The following DENND1C variants were observed in gnomAD, a reference collection of about 807,000 sequenced individuals.
DENND1C encodes the protein DENN domain containing 1C, also known as DENN domain-containing protein 1C.
A neutral mutation model predicts 87.9 loss-of-function variants in DENND1C; 64 were observed. That is an observed-to-expected ratio of 0.73 (90% confidence interval 0.60 to 0.90). DENND1C has a LOEUF of 0.90. Among genes scored for constraint, DENND1C ranks in the 40% least tolerant of loss-of-function variants. The pLI is 0.00. For missense variants in DENND1C, 980 were observed against 1,037.0 expected, an observed-to-expected ratio of 0.95 and a Z score of 0.76; for synonymous variants, 384 against 424.4, an observed-to-expected ratio of 0.90 and a Z score of 1.17.
At position 6,476,975 on chromosome 19, in the gene DENND1C, T is replaced by G; in HGVS notation, c.568-8A>C. The G allele has an allele frequency of 6.2e-7, 1 of 1,613,604 alleles. No homozygotes were observed. The highest frequency in any genetic ancestry group is 1.1e-5 in the South Asian group (1 of 91,082). ...CAGCTCCGTTAGGTTCCTCTGAGGA[T>G]CAGAGAGTCGCTCTGGGCGTGGACG... On this transcript the variant is annotated splice_polypyrimidine_tract_variant and splice_region_variant and intron_variant, in intron 9 of 22. Coordinates refer to ENST00000381480, the MANE Select transcript of DENND1C (RefSeq NM_024898.4).
Position 6,471,291 on chromosome 19 carries a change from A to G in DENND1C, c.1264T>C (p.Tyr422His). Reference protein sequence around the residue: ...CGASSGALRSYQLWADNLKKG... With the variant: ...CGASSGALRSHQLWADNLKKG... ...TTTAGATTGTCGGCCCAGAGCTGAT[A>G]GGATCGAAGGGCCCCTGGGGTAAGG... is the stretch of plus-strand genomic sequence containing the variant. The change falls in exon 17 of 23, where the codon TAT becomes CAT. Residue 422 changes from tyrosine (Y) to histidine (H), a missense_variant. Tyr to His is a moderately conservative substitution (Grantham distance 83). Coordinates refer to ENST00000381480, the MANE Select transcript of DENND1C (RefSeq NM_024898.4). 1 of 1,597,714 alleles carries G rather than the reference A, an allele frequency of 6.3e-7. No individual in the cohort carries two copies. The highest frequency in any genetic ancestry group is 8.5e-7 in the Non-Finnish European group (1 of 1,172,118).
At chr19:6,468,500 G>A in intron 21 of DENND1C, 59 bp from the exon 22 acceptor site, 1 of 1,570,276 alleles carries the variant, frequency 6.4e-7, no homozygotes, top group Non-Finnish European at 8.6e-7. Flanking sequence ...TGGTCAGGCT[G>A]CTCTGGAGTT....
Position 6,475,602 on chromosome 19 carries a change from T to C in DENND1C, c.826-17A>G, listed in dbSNP as rs3745571. 0.62 allele frequency: 1,002,469 copies of C among 1,613,568 alleles called. 318,251 individuals are homozygous for C. Among genetic ancestry groups the C allele is most frequent in the Non-Finnish European group, 0.66 (782,518 of 1,179,746 alleles). ...TCGTACTCTCTGCGGAAAAGCGGGG[T>C]CGGCCGCTCAGAGCCCGGGAGTCCT... On this transcript the variant is annotated splice_polypyrimidine_tract_variant and intron_variant, in intron 12 of 22. Transcript: ENST00000381480.
At position 6,472,893 on chromosome 19, in the gene DENND1C, T is replaced by G; in HGVS notation, c.1154A>C (p.Lys385Thr). ...HRRAVHLQLFKQFIEARLEKL... is the reference protein window; with the variant it reads ...HRRAVHLQLFTQFIEARLEKL... ...ACCCTCAGGGCTCTGGCATACCTGT[T>G]TGAACAGCTGCAGGTGCACAGCCCG... Residue 385 changes from lysine to threonine, a missense_variant, in exon 15 of 23, where the codon AAA becomes ACA. Lys to Thr is a moderately conservative substitution (Grantham distance 78, BLOSUM62 -1). Transcript: ENST00000381480. 6.4e-7 allele frequency: 1 copy of G among 1,558,320 alleles called. No individual in the cohort carries two copies. The highest frequency in any genetic ancestry group is 1.2e-5 in the South Asian group (1 of 82,494).
chr19:6,481,602 C>T, intron 1 of DENND1C, 77 bp downstream of exon 1: 2 of 1,600,160 alleles, frequency 1.2e-6, no homozygotes, highest in Non-Finnish European at 1.7e-6. Flanking sequence ...CTGCTCCAGC[C>T]CCAGCTCCCC....
At chr19:6,471,879 G>A (rs975408413) in intron 15 of DENND1C, among the ~76,000 whole-genome samples, 2 of 152,160 alleles carry the variant, frequency 1.3e-5, no homozygotes, top group Non-Finnish European at 2.9e-5. Flanking sequence ...CTGACCTCAG[G>A]TGATCCGTCT....
chr19:6,476,766 A>G (rs997969840), intron 10 of DENND1C, 91 bp downstream of exon 10: 5 of 1,300,598 alleles, frequency 3.8e-6, no homozygotes, highest in Admixed American at 5.0e-5. Context: ...CTCGCGCAGT[A>G]GGGTTAGAGC....
chr19:6,470,153 C>T (rs994058203), intron 18 of DENND1C, 142 bp downstream of exon 18: 28 of 768,472 alleles, frequency 3.6e-5, no homozygotes, highest in Non-Finnish European at 5.6e-5. Flanking sequence ...AATGGTTTAA[C>T]TGCTGGTTCA....
chr19:6,472,242 T>C (rs1270915117), intron 15 of DENND1C, among the ~76,000 whole-genome samples: 2 of 112,490 alleles, frequency 1.8e-5, no homozygotes, highest in Admixed American at 2.8e-4. Flanking sequence ...ACCCATCCCC[T>C]CTGGAGTCCA....
In DENND1C at chr19:6,478,804, T is replaced by C. The variant is rs764758574; in HGVS notation, c.345A>G (p.Gly115=). 3 of 1,613,282 alleles carry C rather than the reference T, an allele frequency of 1.9e-6. No homozygotes were observed. The South Asian group carries it at 3.3e-5, about 18-fold the overall frequency. The change falls in exon 6 of 23, where the codon GGA becomes GGG. Residue 115 remains glycine, a synonymous_variant. Transcript: ENST00000381480. The part of the protein sequence containing the change: ...EVFYKLLNTV[G]DLLAQDQVTE... ...TCACTTGGTCCTGGGCTAGGAGGTC[T>C]CCCACTGTGTTCAATAGCTTGTAAA...
intron 17 of DENND1C, 150 bp from the exon 18 acceptor site, chr19:6,470,516 C>T (rs1341611205): frequency 3.9e-5 from 28 of 722,398 alleles, no homozygotes; most frequent in South Asian, 2.4e-4. Flanking sequence ...CATGACCCTA[C>T]CTGGTGACTT....
intron 18 of DENND1C, 122 bp from the exon 19 acceptor site, chr19:6,469,762 C>A (rs189912015): frequency 1.3e-5 from 13 of 981,992 alleles, no homozygotes; most frequent in Non-Finnish European, 2.0e-5. Context: ...AATACGTTCA[C>A]CACCCCCCAT....
rs1430736812 is a variant in DENND1C at position 6,479,046 on chromosome 19, T to TG, written c.186dup (p.Ser63GlnfsTer86). 2 of 1,613,688 alleles carry TG rather than the reference T, an allele frequency of 1.2e-6. No individual in the cohort carries two copies. The highest frequency in any genetic ancestry group is 1.7e-6 in the Non-Finnish European group (2 of 1,179,836). ...AAGGTGAAATGCTGCACGGCGGGGC[T>TG]GGGGGGCTCCCTGGAGTGGGAAGGG... On this transcript the variant is annotated frameshift_variant, in exon 5 of 23. Coordinates refer to ENST00000381480, the MANE Select transcript of DENND1C (RefSeq NM_024898.4). LOFTEE classifies it high-confidence loss of function.
At chr19:6,478,636 TC>T in intron 6 of DENND1C, 146 bp downstream of exon 6, 1 of 888,284 alleles carries the variant, frequency 1.1e-6, no homozygotes, top group Non-Finnish European at 1.7e-6. Flanking sequence ...CAAGGGATCC[TC>T]CCACCTCGGC....
In DENND1C at chr19:6,471,497, CTG is replaced by C. The variant is rs1488538749; in HGVS notation, c.1159-3_1159-2del. 2 of 1,554,118 alleles carry C rather than the reference CTG, an allele frequency of 1.3e-6. No homozygotes were observed. The highest frequency in any genetic ancestry group is 4.8e-5 in the East Asian group (2 of 41,594). On this transcript the variant is annotated splice_acceptor_variant and splice_polypyrimidine_tract_variant and intron_variant, in intron 15 of 22. Coordinates refer to ENST00000381480, the MANE Select transcript of DENND1C (RefSeq NM_024898.4). LOFTEE classifies it high-confidence loss of function. ...GCTTCTCCAGCCGGGCTTCGATGAACTGGGGTGGGGGACAGTAAATCAGAAAC... is the reference window on the plus strand; with the variant it reads ...GCTTCTCCAGCCGGGCTTCGATGAACGGGTGGGGGACAGTAAATCAGAAAC...
intron 4 of DENND1C, among the ~76,000 whole-genome samples, chr19:6,479,440 G>A (rs527436936): frequency 8.5e-4 from 129 of 151,158 alleles, no homozygotes; most frequent in Non-Finnish European, 1.4e-3. Context: ...GGGTCCCTGG[G>A]TCCCTGGGTT....
Position 6,471,433 on chromosome 19 carries a change from C to G in DENND1C, c.1222G>C (p.Glu408Gln). 6 of 1,587,650 alleles carry G rather than the reference C, an allele frequency of 3.8e-6. No homozygotes were observed. Among genetic ancestry groups the G allele is most frequent in the Non-Finnish European group, 4.3e-6 (5 of 1,167,008 alleles). Residue 408 changes from glutamate to glutamine, a missense_variant, in exon 16 of 23, where the codon GAG becomes CAG. Coordinates refer to ENST00000381480, the MANE Select transcript of DENND1C (RefSeq NM_024898.4). ...GEGFSDQFEQ[E>Q]ITGCGASSGA... ...GAGGAGGCCCCGCAGCCAGTGATCT[C>G]CTGCTCGAATTGATCTGAGAAGCCC...
intron 19 of DENND1C, 21 bp from the exon 20 acceptor site, chr19:6,468,974 T>G (rs201868759): frequency 7.5e-7 from 1 of 1,337,580 alleles, no homozygotes; most frequent in South Asian, 2.3e-5. Flanking sequence ...AAGAGTGAAC[T>G]GGGAACCTCT....
Position 6,479,915 on chromosome 19 carries a change from G to C in DENND1C, c.83-13C>G. ...AGGATGGGGGGATCTGTAGAAGAGAGCACGCCTCTAAGTTCAGCGACCCAG... is the reference window on the plus strand; with the variant it reads ...AGGATGGGGGGATCTGTAGAAGAGACCACGCCTCTAAGTTCAGCGACCCAG... On this transcript the variant is annotated splice_polypyrimidine_tract_variant and intron_variant, in intron 2 of 22. Coordinates refer to ENST00000381480, the MANE Select transcript of DENND1C (RefSeq NM_024898.4). 1 of 1,599,528 alleles carries C rather than the reference G, an allele frequency of 6.3e-7. No individual in the cohort carries two copies. Among genetic ancestry groups the C allele is most frequent in the East Asian group, 2.3e-5 (1 of 44,146 alleles).
Sources: allele counts gnomAD v4.1 joint callset (sites outside exome capture counted in the v4.1 genomes callset), GRCh38; gene constraint gnomAD v4.1.1; transcripts MANE v1.5; gene names NCBI Gene and HGNC (gene_info 2026-07-23, HGNC 2026-07-21).